CCDC66: variants seen among roughly 807,000 people sequenced by gnomAD.
The protein encoded by CCDC66 is coiled-coil domain-containing protein 66.
CCDC66 carries 133 observed loss-of-function variants against 128.3 expected under a neutral mutation model. That is an observed-to-expected ratio of 1.04 (90% CI 0.90 to 1.20). CCDC66 has a LOEUF of 1.20. Ranked by LOEUF, CCDC66 falls within the 50% of genes most tolerant of loss-of-function variation. CCDC66 has a pLI of 0.00. For synonymous variants in CCDC66, 387 were observed against 357.0 expected, an observed-to-expected ratio of 1.08 and a Z score of -0.95; for missense variants, 1,126 against 1,075.5, an observed-to-expected ratio of 1.05 and a Z score of -0.66.
chr3:56,582,848 C>CTTTATTATT (rs1553682851), intron 7 of CCDC66, among the ~76,000 whole-genome samples: 19 of 132,818 alleles, frequency 1.4e-4, no homozygotes, highest in African/African-American at 5.3e-4. Context: ...TCTCAACTTT[C>CTTTATTATT]TTTATTATTA....
chr3:56,593,920 T>C (rs777446455), intron 9 of CCDC66, 24 bp from the exon 10 acceptor site: 9 of 1,611,026 alleles, frequency 5.6e-6, no homozygotes, highest in Non-Finnish European at 7.6e-6. Flanking sequence ...AGGTTTTGAA[T>C]AGCTAATGTA....
intron 3 of CCDC66, chr3:56,560,843 C>T (rs1340990041): frequency 4.4e-6 from 2 of 452,576 alleles, no homozygotes; most frequent in African/African-American, 4.0e-5. Flanking sequence ...CTTACTACAG[C>T]CCCCTTTTAT....
intron 12 of CCDC66, 44 bp from the exon 13 acceptor site, chr3:56,615,878 A>G (rs2075429342): frequency 6.6e-7 from 1 of 1,509,314 alleles, no homozygotes; most frequent in East Asian, 2.5e-5. Flanking sequence ...ATTTTTATTA[A>G]TATTCCTTAA....
chr3:56,615,019 A>G (rs949273840), intron 11 of CCDC66, 109 bp from the exon 12 acceptor site: 1 of 1,130,242 alleles, frequency 8.8e-7, no homozygotes, highest in Non-Finnish European at 1.3e-6. Flanking sequence ...CTTAGTGTCT[A>G]AACAAGTGCC....
Position 56,617,283 on chromosome 3 carries a change from AAG to A in CCDC66, c.2017_2018del (p.Glu673LysfsTer5), listed in dbSNP as rs1419440536. ...CAGGATAAAGGAGCCAGCTTAGAAA[AAG>A]AAAACAATCGGTGTAATGACCAGTG... On this transcript the variant is annotated frameshift_variant, in exon 14 of 18. Transcript: ENST00000394672. LOFTEE classifies it high-confidence loss of function. The A allele has an allele frequency of 6.2e-7, 1 of 1,613,768 alleles. No individual in the cohort carries two copies. Among genetic ancestry groups the A allele is most frequent in the African/African-American group, 1.3e-5 (1 of 74,890 alleles).
intron 15 of CCDC66, chr3:56,618,481 G>A (rs1271545170): frequency 5.4e-6 from 2 of 367,806 alleles, no homozygotes; most frequent in Non-Finnish European, 4.9e-6. Flanking sequence ...TTCCAGGTAT[G>A]TCATTAGCAG....
intron 10 of CCDC66, among the ~76,000 whole-genome samples, chr3:56,605,915 T>C (rs282528): frequency 0.38 from 58,182 of 151,720 alleles, 13,786 homozygotes; most frequent in Non-Finnish European, 0.54. Flanking sequence ...AGGTAGGGGT[T>C]TTATCTATAA....
chr3:56,561,661 ATCC>A (rs1004323639), intron 3 of CCDC66, among the ~76,000 whole-genome samples: 4 of 152,124 alleles, frequency 2.6e-5, no homozygotes, highest in South Asian at 4.1e-4. Context: ...GGTTACAGAG[ATCC>A]TCCTCATTTC....
chr3:56,616,009 A>C lies in CCDC66; in HGVS notation c.1799A>C (p.Tyr600Ser). 1.9e-6 allele frequency: 3 copies of C among 1,565,502 alleles called. No individual in the cohort carries two copies. The highest frequency in any genetic ancestry group is 1.7e-6 in the Non-Finnish European group (2 of 1,166,548). Residue 600 changes from tyrosine (Y) to serine (S), a missense_variant, in exon 13 of 18, where the codon TAT (tyrosine) becomes TCT (serine). Transcript: ENST00000394672. ...SDEISGKMNT[Y>S]MNSTTSKKDT... ...GAAATCAGTGGTAAAATGAATACAT[A>C]TATGAATTCTACGACTTCTAAGAAG...
In CCDC66 at chr3:56,612,940, A is replaced by G. The variant is rs1281180371; in HGVS notation, c.1405-649A>G. On this transcript the variant is annotated intron_variant, in intron 10 of 17. Transcript: ENST00000394672. ...TGGGATGATTTCCCAGGCCACCAGC[A>G]GAATGCTTAGGTTGGGGCAGTAGCA... is the stretch of plus-strand genomic sequence containing the variant. 2.6e-5 allele frequency among the ~76,000 whole-genome samples: 4 copies of G among 152,294 alleles called. No individual in the cohort carries two copies. In the East Asian group the frequency reaches 7.7e-4, roughly 29 times the overall value.
intron 7 of CCDC66, among the ~76,000 whole-genome samples, chr3:56,577,834 G>A (rs1429492880): frequency 6.6e-6 from 1 of 151,842 alleles, no homozygotes; most frequent in Non-Finnish European, 1.5e-5. Context: ...TTGTAGTGTA[G>A]TTTGAAGTGA....
At chr3:56,611,396 A>C (rs903793383) in intron 10 of CCDC66, among the ~76,000 whole-genome samples, 3 of 151,674 alleles carry the variant, frequency 2.0e-5, no homozygotes, top group Admixed American at 6.6e-5. Context: ...CACAAACCAA[A>C]GGGCCAGTCT....
intron 10 of CCDC66, among the ~76,000 whole-genome samples, chr3:56,611,534 G>T (rs1400079762): frequency 1.3e-5 from 2 of 151,030 alleles, no homozygotes; most frequent in African/African-American, 4.9e-5. Context: ...TCCCCCACCT[G>T]TGGAGTCTGC....
At chr3:56,568,984 T>C (rs892559132) in intron 6 of CCDC66, among the ~76,000 whole-genome samples, 2 of 152,190 alleles carry the variant, frequency 1.3e-5, no homozygotes, top group Non-Finnish European at 1.5e-5. Flanking sequence ...TTCACCCTAG[T>C]TGAAAAACAA....
At chr3:56,590,607 A>C (rs543603690) in intron 7 of CCDC66, among the ~76,000 whole-genome samples, 1 of 152,196 alleles carries the variant, frequency 6.6e-6, no homozygotes, top group African/African-American at 2.4e-5. Flanking sequence ...CAAAAAAATA[A>C]AAATAGCCGG....
intron 7 of CCDC66, among the ~76,000 whole-genome samples, chr3:56,574,090 G>A (rs1008742863): frequency 1.2e-4 from 18 of 151,690 alleles, no homozygotes; most frequent in African/African-American, 4.1e-4. Context: ...TTCGCTGGGT[G>A]CAGTGGCTCA....
Position 56,570,390 on chromosome 3 carries a change from A to C in CCDC66, c.815-791A>C, listed in dbSNP as rs1410250218. On this transcript the variant is annotated intron_variant, in intron 6 of 17. Transcript: ENST00000394672. ...ATTCATTGAATATTTACTTTGTGCC[A>C]AGCCCTATATTGAGATAGGCACTAT... The C allele has an allele frequency of 2.6e-5, 4 of 152,330 alleles. No homozygotes were observed. The East Asian group carries it at 7.7e-4, about 29-fold the overall frequency. The allele number at this position is 152,330 out of a possible 1,614,324, so 9.4% of individuals were successfully genotyped here.
chr3:56,590,503 G>C (rs1257970515), intron 7 of CCDC66, among the ~76,000 whole-genome samples: 7 of 152,108 alleles, frequency 4.6e-5, no homozygotes, highest in African/African-American at 1.7e-4. Context: ...TAGGCCATGT[G>C]CAGTGGCTCT....
chr3:56,580,506 G>A (rs544838154), intron 7 of CCDC66, among the ~76,000 whole-genome samples: 3 of 151,844 alleles, frequency 2.0e-5, no homozygotes, highest in East Asian at 2.0e-4. Flanking sequence ...TCCTAGCCTC[G>A]ATGGTCTTTA....
Sources: allele counts gnomAD v4.1 joint callset (sites outside exome capture counted in the v4.1 genomes callset), GRCh38; gene constraint gnomAD v4.1.1; transcripts MANE v1.5; gene names NCBI Gene and HGNC (gene_info 2026-07-23, HGNC 2026-07-21).